The following CSMD1 variants were observed in gnomAD, a reference collection of about 807,000 sequenced individuals.
The protein encoded by CSMD1 is CUB and Sushi multiple domains 1.
CSMD1 carries 213 observed loss-of-function variants against 417.5 expected under a neutral mutation model. The ratio of observed to expected loss-of-function variants is 0.51; its 90% CI spans 0.46 to 0.57. The LOEUF (loss-of-function observed/expected upper bound fraction) is 0.57, where lower values mean the gene tolerates loss of function less well. CSMD1 is among the 20% of genes least tolerant of loss of function. The pLI is 0.00. For missense variants in CSMD1, 6,923 were observed against 4,529.7 expected, an observed-to-expected ratio of 1.53 and a Z score of -15.17; for synonymous variants, 2,862 against 1,736.8, an observed-to-expected ratio of 1.65 and a Z score of -16.11.
At position 2,959,425 on chromosome 8, in the gene CSMD1, C is replaced by G. The variant is rs1274371900; in HGVS notation, c.9703-1618G>C. On this transcript the variant is annotated intron_variant, in intron 62 of 69. Transcript: ENST00000635120. ...ACTTCCTCTCTATCAGGAACGGTGT[C>G]CATCAACTCTCCATGCAAGCATGTT... is the stretch of plus-strand genomic sequence containing the variant. Among the ~76,000 whole-genome samples, 6 of 152,152 alleles carry G rather than the reference C, an allele frequency of 3.9e-5. 1 individual carries two copies. Among genetic ancestry groups the G allele is most frequent in the Non-Finnish European group, 8.8e-5 (6 of 68,028 alleles).
intron 26 of CSMD1, among the ~76,000 whole-genome samples, chr8:3,282,861 A>G (rs1802842657): frequency 6.6e-6 from 1 of 152,206 alleles, no homozygotes; most frequent in African/African-American, 2.4e-5. Flanking sequence ...ATGACTTGTC[A>G]GTGAGCTGCC....
At chr8:3,104,615 A>T (rs1438155435) in intron 46 of CSMD1, among the ~76,000 whole-genome samples, 2 of 152,112 alleles carry the variant, frequency 1.3e-5, no homozygotes, top group Non-Finnish European at 2.9e-5. Flanking sequence ...TTTTCTTCAG[A>T]TGTAGAAGAC....
chr8:4,384,091 C>G (rs1281084719), intron 3 of CSMD1, among the ~76,000 whole-genome samples: 2 of 152,090 alleles, frequency 1.3e-5, no homozygotes, highest in Admixed American at 1.3e-4. Flanking sequence ...AATGGTGTTC[C>G]TGTCACACCT....
intron 11 of CSMD1, among the ~76,000 whole-genome samples, chr8:3,489,874 T>G (rs983079223): frequency 6.6e-6 from 1 of 152,326 alleles, no homozygotes; most frequent in African/African-American, 2.4e-5. Flanking sequence ...TTTGAAGTAG[T>G]GAATGCCAGT....
intron 2 of CSMD1, among the ~76,000 whole-genome samples, chr8:4,448,550 C>T (rs1053573915): frequency 7.9e-5 from 12 of 152,106 alleles, no homozygotes; most frequent in Admixed American, 1.3e-4. Context: ...TGGGAACATC[C>T]TTTGAAATCT....
intron 3 of CSMD1, among the ~76,000 whole-genome samples, chr8:4,411,390 G>A (rs911202359): frequency 4.0e-5 from 6 of 151,820 alleles, no homozygotes; most frequent in African/African-American, 1.5e-4. Context: ...CACAGTGCTG[G>A]TCTTAGAATT....
intron 7 of CSMD1, among the ~76,000 whole-genome samples, chr8:3,634,537 T>G (rs541489514): frequency 1.3e-5 from 2 of 152,268 alleles, no homozygotes; most frequent in African/African-American, 4.8e-5. Context: ...ACCTCTTCCC[T>G]TTTTTGCCTT....
At chr8:4,710,182 C>G (rs1218727619) in intron 1 of CSMD1, among the ~76,000 whole-genome samples, 1 of 151,840 alleles carries the variant, frequency 6.6e-6, no homozygotes, top group Non-Finnish European at 1.5e-5. Flanking sequence ...CTGCCCAGTA[C>G]CAACACAAGA....
At chr8:3,732,667 A>C (rs1393122325) in intron 6 of CSMD1, among the ~76,000 whole-genome samples, 6 of 152,038 alleles carry the variant, frequency 3.9e-5, no homozygotes, top group Non-Finnish European at 4.4e-5. Flanking sequence ...TTCAATCCTA[A>C]ATTGATTTTT....
intron 20 of CSMD1, among the ~76,000 whole-genome samples, chr8:3,363,713 T>C (rs1045724296): frequency 1.3e-5 from 2 of 152,218 alleles, no homozygotes; most frequent in East Asian, 1.9e-4. Flanking sequence ...AAATCACATA[T>C]GTAATGGCAC....
At chr8:4,207,588 G>C (rs770398030) in intron 3 of CSMD1, among the ~76,000 whole-genome samples, 2 of 152,042 alleles carry the variant, frequency 1.3e-5, no homozygotes, top group Admixed American at 6.5e-5. Flanking sequence ...TGAAATATTA[G>C]GTTTAATATT....
chr8:4,388,374 T>TA (rs569163001), intron 3 of CSMD1, among the ~76,000 whole-genome samples: 10 of 150,932 alleles, frequency 6.6e-5, no homozygotes, highest in African/African-American at 1.5e-4. Context: ...TACTCAGCCA[T>TA]AAAAATGCAT....
intron 5 of CSMD1, among the ~76,000 whole-genome samples, chr8:3,794,193 C>G (rs1368644737): frequency 6.6e-6 from 1 of 152,158 alleles, no homozygotes; most frequent in East Asian, 1.9e-4. Context: ...TTGAGAAGCA[C>G]TGGTTTAAGG....
intron 3 of CSMD1, among the ~76,000 whole-genome samples, chr8:4,204,413 C>T (rs1304713003): frequency 6.6e-6 from 1 of 152,052 alleles, no homozygotes. Context: ...GATAGAAACC[C>T]AACCCATAAG....
At chr8:4,799,791 A>T (rs1798179044) in intron 1 of CSMD1, among the ~76,000 whole-genome samples, 1 of 152,090 alleles carries the variant, frequency 6.6e-6, no homozygotes, top group African/African-American at 2.4e-5. Flanking sequence ...TCTCTTTAAA[A>T]AAAAAAGTGA....
intron 6 of CSMD1, among the ~76,000 whole-genome samples, chr8:3,710,066 T>G (rs926553605): frequency 6.6e-6 from 1 of 152,090 alleles, no homozygotes; most frequent in South Asian, 2.1e-4. Context: ...CATAAACAGT[T>G]ACTTAACATA....
At chr8:4,975,889 T>C (rs1294093452) in intron 1 of CSMD1, among the ~76,000 whole-genome samples, 1 of 152,182 alleles carries the variant, frequency 6.6e-6, no homozygotes, top group Non-Finnish European at 1.5e-5. Context: ...AATTAGAGGA[T>C]TAAATAGTAT....
chr8:4,522,195 T>C (rs531644231), intron 2 of CSMD1, among the ~76,000 whole-genome samples: 5 of 152,102 alleles, frequency 3.3e-5, no homozygotes, highest in African/African-American at 7.2e-5. Flanking sequence ...TGAGAGCTGA[T>C]GATTTATAAA....
chr8:4,371,248 C>G (rs1255663982), intron 3 of CSMD1, among the ~76,000 whole-genome samples: 1 of 152,242 alleles, frequency 6.6e-6, no homozygotes, highest in Non-Finnish European at 1.5e-5. Flanking sequence ...AGGACCAGGT[C>G]AGCAGTTTGG....
Sources: gnomAD v4.1 joint callset for allele counts (sites outside exome capture counted in the v4.1 genomes callset) on GRCh38, gnomAD v4.1.1 for gene constraint, MANE v1.5 for transcripts, NCBI Gene and HGNC (gene_info 2026-07-23, HGNC 2026-07-21) for gene names.